Variants in TRAPPC9 observed in about 807,000 individuals in gnomAD.
The protein encoded by TRAPPC9 is IKK2 binding protein.
In TRAPPC9, 83 loss-of-function variants were observed where a neutral mutation model predicts 124.0. The observed-to-expected ratio is 0.67, with a 90% CI of 0.56 to 0.80. The LOEUF is 0.80. Among genes scored for constraint, TRAPPC9 ranks in the 30% least tolerant of loss-of-function variants. The pLI is 0.00. For synonymous variants in TRAPPC9, 638 were observed against 617.5 expected (o/e 1.03, Z -0.49); for missense variants, 1,302 against 1,508.3 (o/e 0.86, Z 2.27).
intron 21 of TRAPPC9, among the ~76,000 whole-genome samples, chr8:139,813,554 C>T (rs535086707): frequency 1.3e-5 from 2 of 152,372 alleles, no homozygotes; most frequent in South Asian, 2.1e-4. Context: ...CCCTGAACAC[C>T]GTTCCCAGCA....
At chr8:140,416,140 C>T (rs1476426238) in intron 5 of TRAPPC9, among the ~76,000 whole-genome samples, 1 of 152,090 alleles carries the variant, frequency 6.6e-6, no homozygotes, top group South Asian at 2.1e-4. Context: ...AAAACAACCA[C>T]AAAATTATGA....
intron 17 of TRAPPC9, among the ~76,000 whole-genome samples, chr8:140,055,148 T>C (rs944266892): frequency 2.6e-5 from 4 of 152,280 alleles, no homozygotes; most frequent in Middle Eastern, 3.4e-3. Context: ...CAATAAAATA[T>C]AGAAAATCAA....
chr8:140,154,942 C>T (rs2061603539), intron 17 of TRAPPC9, among the ~76,000 whole-genome samples: 1 of 152,152 alleles, frequency 6.6e-6, no homozygotes. Context: ...CTCCACTGTG[C>T]CTTGTCAGTA....
chr8:139,890,996 T>C (rs1195956019), intron 20 of TRAPPC9, among the ~76,000 whole-genome samples: 1 of 152,152 alleles, frequency 6.6e-6, no homozygotes, highest in Non-Finnish European at 1.5e-5. Flanking sequence ...TGGGTCTCCA[T>C]TCCCCTACCC....
chr8:139,797,316 G>C (rs1478726905), intron 21 of TRAPPC9, among the ~76,000 whole-genome samples: 2 of 152,170 alleles, frequency 1.3e-5, no homozygotes. Context: ...CTGGAGTGCA[G>C]TGGCGTGATC....
chr8:140,093,550 C>T (rs1170926821), intron 17 of TRAPPC9, among the ~76,000 whole-genome samples: 1 of 152,096 alleles, frequency 6.6e-6, no homozygotes, highest in Non-Finnish European at 1.5e-5. Context: ...TGCCTGTAAT[C>T]CCAGCTACTC....
Position 139,731,344 on chromosome 8 carries a change from C to G in TRAPPC9, c.3280-116G>C, listed in dbSNP as rs943248523. ...GTGTTATGGGGGAAGCGAGGGCCGC[C>G]CAGGCCTGGCTCCAGTGCCCCCTCC... On this transcript the variant is annotated intron_variant, in intron 22 of 22. Transcript: ENST00000438773. 4.0e-6 allele frequency: 5 copies of G among 1,256,042 alleles called. No homozygotes were observed. In the African/African-American group the frequency reaches 5.9e-5, roughly 15 times the overall value. The allele number at this position is 1,256,042 out of a possible 1,614,324, so 77.8% of individuals were successfully genotyped here.
chr8:140,409,186 CA>C (rs778032973), intron 5 of TRAPPC9, among the ~76,000 whole-genome samples: 10 of 150,930 alleles, frequency 6.6e-5, no homozygotes, highest in Non-Finnish European at 1.0e-4. Flanking sequence ...GCAGATAATT[CA>C]TAAAAGAAAA....
At chr8:139,841,675 C>T (rs1302894416) in intron 21 of TRAPPC9, among the ~76,000 whole-genome samples, 1 of 152,228 alleles carries the variant, frequency 6.6e-6, no homozygotes, top group Admixed American at 6.5e-5. Flanking sequence ...GCTCCTGGTG[C>T]AGGCAGAATT....
At chr8:140,349,775 T>C (rs2067491543) in intron 9 of TRAPPC9, among the ~76,000 whole-genome samples, 1 of 152,196 alleles carries the variant, frequency 6.6e-6, no homozygotes, top group Admixed American at 6.5e-5. Context: ...AGCATGGCAC[T>C]GCACCAAGAA....
chr8:140,351,293 G>A (rs1000561048), intron 9 of TRAPPC9, among the ~76,000 whole-genome samples: 1 of 150,906 alleles, frequency 6.6e-6, no homozygotes, highest in African/African-American at 2.4e-5. Flanking sequence ...CTTCCTAGCT[G>A]TAGCACTGAG....
chr8:139,935,132 GC>G (rs1833430325), intron 19 of TRAPPC9, among the ~76,000 whole-genome samples: 1 of 152,176 alleles, frequency 6.6e-6, no homozygotes, highest in Non-Finnish European at 1.5e-5. Context: ...ACATCACCGT[GC>G]GAGAGAAGGT....
At chr8:139,932,867 G>A in intron 19 of TRAPPC9, 1 of 256,748 alleles carries the variant, frequency 3.9e-6, no homozygotes, top group Non-Finnish European at 7.6e-6. Flanking sequence ...TATAGTCACT[G>A]ACATTTAGGA....
intron 7 of TRAPPC9, among the ~76,000 whole-genome samples, chr8:140,381,250 A>G (rs2068599992): frequency 6.6e-6 from 1 of 152,056 alleles, no homozygotes; most frequent in Admixed American, 6.6e-5. Flanking sequence ...AAGAAAGTGA[A>G]ATGACAATAA....
intron 16 of TRAPPC9, among the ~76,000 whole-genome samples, chr8:140,222,819 C>A (rs916001450): frequency 3.3e-5 from 5 of 152,224 alleles, no homozygotes; most frequent in African/African-American, 1.2e-4. Context: ...GTATCACAGA[C>A]TTCCAGTGTA....
At chr8:139,942,296 C>T (rs1833965886) in intron 19 of TRAPPC9, among the ~76,000 whole-genome samples, 1 of 152,188 alleles carries the variant, frequency 6.6e-6, no homozygotes, top group African/African-American at 2.4e-5. Context: ...AAGGAATAGA[C>T]ACCCAATAGT....
intron 20 of TRAPPC9, among the ~76,000 whole-genome samples, chr8:139,906,450 G>A (rs898828829): frequency 5.3e-5 from 8 of 152,192 alleles, no homozygotes; most frequent in African/African-American, 1.4e-4. Context: ...GTGCCCGGGG[G>A]TGCCCAATCA....
chr8:139,839,634 G>C (rs1009425819), intron 21 of TRAPPC9, among the ~76,000 whole-genome samples: 2 of 152,240 alleles, frequency 1.3e-5, no homozygotes, highest in Admixed American at 6.5e-5. Context: ...CTCCCCGAAA[G>C]CGGATGCTCA....
At chr8:140,338,820 C>T (rs1346062292) in intron 9 of TRAPPC9, among the ~76,000 whole-genome samples, 3 of 64,656 alleles carry the variant, frequency 4.6e-5, no homozygotes, top group Non-Finnish European at 8.1e-5. Context: ...ACCTACAGGC[C>T]GACAGGAAAC....
Sources: allele counts gnomAD v4.1 joint callset (sites outside exome capture counted in the v4.1 genomes callset), GRCh38; gene constraint gnomAD v4.1.1; transcripts MANE v1.5; gene names NCBI Gene and HGNC (gene_info 2026-07-23, HGNC 2026-07-21).